The following HERC4 variants were observed in gnomAD, a reference collection of about 807,000 sequenced individuals.
HERC4 encodes the protein probable E3 ubiquitin-protein ligase HERC4.
HERC4 carries 28 observed loss-of-function variants against 124.3 expected under a neutral mutation model. That is an observed-to-expected ratio of 0.23 (90% CI 0.17 to 0.31). The LOEUF (loss-of-function observed/expected upper bound fraction) is 0.31, where lower values mean the gene tolerates loss of function less well. HERC4 is among the 10% of genes least tolerant of loss of function. The pLI, the probability that HERC4 is intolerant of heterozygous loss-of-function variation, is 1.00. For missense variants in HERC4, 713 were observed against 1,229.3 expected (o/e 0.58, Z 6.28); for synonymous variants, 407 against 421.5 (o/e 0.97, Z 0.42).
In HERC4 at chr10:67,969,083, A is replaced by C. The variant is rs560291147; in HGVS notation, c.1807-2281T>G. On this transcript the variant is annotated intron_variant, in intron 15 of 24. Transcript: ENST00000373700. ...CTCTGTCCACAATGGAATTAAACTA[A>C]AATCAGTAACAGAAAGAGATTTGGA... 5.9e-5 allele frequency among the ~76,000 whole-genome samples: 9 copies of C among 152,358 alleles called. No individual in the cohort carries two copies. The South Asian group carries it at 1.9e-3, about 32-fold the overall frequency.
chr10:68,072,801 A>C (rs2041635853), intron 3 of HERC4, 82 bp downstream of exon 3: 1 of 959,932 alleles, frequency 1.0e-6, no homozygotes, highest in African/African-American at 1.7e-5. Flanking sequence ...ATATAGTTAC[A>C]ACTAGAGAAA....
At chr10:67,979,709 A>G (rs1444922305) in intron 15 of HERC4, among the ~76,000 whole-genome samples, 1 of 152,136 alleles carries the variant, frequency 6.6e-6, no homozygotes, top group African/African-American at 2.4e-5. Context: ...AGAAAAAAAC[A>G]AGAGCTGGGC....
At chr10:67,955,443 G>C (rs2034076825) in intron 17 of HERC4, 1 of 199,508 alleles carries the variant, frequency 5.0e-6, no homozygotes, top group Admixed American at 6.3e-5. Context: ...GGAGGGGAGG[G>C]TAAAGAGGGA....
chr10:68,039,015 A>G (rs1233801881), intron 4 of HERC4, among the ~76,000 whole-genome samples: 1 of 151,834 alleles, frequency 6.6e-6, no homozygotes, highest in South Asian at 2.1e-4. Context: ...AAAAGGGGGG[A>G]TGCCAGATGC....
At chr10:67,940,050 C>T (rs1315936121) in intron 20 of HERC4, among the ~76,000 whole-genome samples, 1 of 151,994 alleles carries the variant, frequency 6.6e-6, no homozygotes, top group African/African-American at 2.4e-5. Context: ...CCTGCCTCAG[C>T]CAGAGCAGCT....
chr10:68,039,590 CA>C, intron 4 of HERC4: 1 of 1,497,874 alleles, frequency 6.7e-7, no homozygotes, highest in Non-Finnish European at 8.9e-7. Flanking sequence ...CTCTTAACTA[CA>C]AAACCTGAGA....
At chr10:67,982,102 A>G (rs1248402343) in intron 15 of HERC4, among the ~76,000 whole-genome samples, 4 of 152,218 alleles carry the variant, frequency 2.6e-5, no homozygotes, top group Non-Finnish European at 5.9e-5. Flanking sequence ...TCACAGAAAT[A>G]GGAAACACAA....
chr10:67,925,847 C>G (rs186121195), intron 23 of HERC4, among the ~76,000 whole-genome samples: 1 of 152,134 alleles, frequency 6.6e-6, no homozygotes, highest in African/African-American at 2.4e-5. Context: ...CTGAGGCCTC[C>G]TGCCAACAGT....
intron 23 of HERC4, among the ~76,000 whole-genome samples, chr10:67,926,416 T>TAAAAAAAAAAAAAAAAA (rs11305276): frequency 8.4e-6 from 1 of 119,448 alleles, no homozygotes; most frequent in African/African-American, 3.1e-5. Flanking sequence ...AAATAAAAAA[T>TAAAAAAAAAAAAAAAAA]AAAAAAAAAA....
rs1313797536 is a variant in HERC4 at position 68,010,759 on chromosome 10, T to C, written c.1069+3267A>G. The C allele has an allele frequency of 1.9e-5, 28 of 1,492,256 alleles. No homozygotes were observed. The East Asian group carries it at 3.7e-4, about 20-fold the overall frequency. The allele number at this position is 1,492,256 out of a possible 1,614,324, so 92.4% of individuals were successfully genotyped here. The stretch of plus-strand genomic sequence containing the variant: ...TCGTTTGGCTGAACATATTCCCAAA[T>C]AGAACCCCCAGGGTAAGCCCCACAT... On this transcript the variant is annotated intron_variant, in intron 9 of 24. Coordinates refer to ENST00000373700, the MANE Select transcript of HERC4 (RefSeq NM_015601.4).
At chr10:68,008,497 A>G (rs2037726140) in intron 9 of HERC4, among the ~76,000 whole-genome samples, 1 of 152,154 alleles carries the variant, frequency 6.6e-6, no homozygotes, top group South Asian at 2.1e-4. Context: ...TTTTTCAAGG[A>G]TAGTTTGGCA....
chr10:68,009,694 A>C (rs891385395), intron 9 of HERC4, among the ~76,000 whole-genome samples: 1 of 152,168 alleles, frequency 6.6e-6, no homozygotes, highest in Non-Finnish European at 1.5e-5. Flanking sequence ...TCTTTTCATA[A>C]AAGATTTCTC....
intron 15 of HERC4, among the ~76,000 whole-genome samples, chr10:67,970,670 A>G (rs972831304): frequency 1.2e-4 from 19 of 152,088 alleles, no homozygotes; most frequent in African/African-American, 4.3e-4. Flanking sequence ...TCAGATTCAG[A>G]GAAGACCCAA....
intron 15 of HERC4, among the ~76,000 whole-genome samples, chr10:67,984,887 C>T (rs936128613): frequency 6.6e-6 from 1 of 152,012 alleles, no homozygotes; most frequent in Non-Finnish European, 1.5e-5. Context: ...CCGCACCCGG[C>T]CAAACCTAGT....
At chr10:67,955,184 G>A in intron 17 of HERC4, 54 bp from the exon 18 acceptor site, 2 of 1,488,968 alleles carry the variant, frequency 1.3e-6, no homozygotes, top group Non-Finnish European at 1.8e-6. Flanking sequence ...AAGCTACTGT[G>A]ACTGAAACAA....
At chr10:68,050,752 A>G (rs2040254517) in intron 3 of HERC4, among the ~76,000 whole-genome samples, 2 of 152,210 alleles carry the variant, frequency 1.3e-5, no homozygotes, top group Admixed American at 1.3e-4. Flanking sequence ...AGTCATATCA[A>G]TGGTTTGTTG....
chr10:68,027,990 T>TA (rs2038992917), intron 7 of HERC4, among the ~76,000 whole-genome samples: 1 of 144,590 alleles, frequency 6.9e-6, no homozygotes, highest in African/African-American at 2.5e-5. Flanking sequence ...ATATTTTTAA[T>TA]TATATATATA....
intron 15 of HERC4, among the ~76,000 whole-genome samples, chr10:67,971,240 A>G (rs1442360360): frequency 6.6e-6 from 1 of 152,152 alleles, no homozygotes; most frequent in East Asian, 1.9e-4. Flanking sequence ...ACCAATCTTA[A>G]TCAAACTTTT....
intron 22 of HERC4, 46 bp from the exon 23 acceptor site, chr10:67,932,826 T>C (rs371264248): frequency 2.7e-6 from 4 of 1,500,672 alleles, no homozygotes; most frequent in Non-Finnish European, 3.6e-6. Context: ...AAATCATGTA[T>C]GAAGAATCCA....
Sources: gnomAD v4.1 joint callset for allele counts (sites outside exome capture counted in the v4.1 genomes callset) on GRCh38, gnomAD v4.1.1 for gene constraint, MANE v1.5 for transcripts, NCBI Gene and HGNC (gene_info 2026-07-23, HGNC 2026-07-21) for gene names.